The following DTWD1 variants were observed in gnomAD, a reference collection of about 807,000 sequenced individuals.
The protein encoded by DTWD1 is tRNA-uridine aminocarboxypropyltransferase 1.
Under a neutral mutation model 30.2 loss-of-function variants are expected in DTWD1, and 27 were observed. The observed-to-expected ratio is 0.90, with a 90% CI of 0.66 to 1.23. The LOEUF is 1.23. Ranked by LOEUF, DTWD1 falls within the 50% of genes most tolerant of loss-of-function variation. The pLI is 0.00. For missense variants in DTWD1, 342 were observed against 348.8 expected, an observed-to-expected ratio of 0.98 and a Z score of 0.15; for synonymous variants, 99 against 113.1, an observed-to-expected ratio of 0.88 and a Z score of 0.79.
Position 49,632,249 on chromosome 15 carries a change from G to A in DTWD1, c.355G>A (p.Val119Ile). ...TGCAAAACTCTTAGCACCTGAATTT[G>A]TAAACATTTACACGTATCCGTGTAT... Reference protein sequence around the residue: ...IHAKLLAPEFVNIYTYPCIPE... With the variant: ...IHAKLLAPEFINIYTYPCIPE... The change falls in exon 3 of 5, where the codon GTA becomes ATA. Residue 119 changes from valine (V) to isoleucine (I), a missense_variant. Transcript: ENST00000403028. 1.9e-6 allele frequency: 3 copies of A among 1,598,820 alleles called. No individual in the cohort carries two copies. Among genetic ancestry groups the A allele is most frequent in the Non-Finnish European group, 2.6e-6 (3 of 1,176,442 alleles).
chr15:49,652,358 A>G lies in DTWD1; in HGVS notation c.*8780A>G, dbSNP rs2079157498. 1 of 152,164 alleles carries G rather than the reference A, an allele frequency of 6.6e-6. No individual in the cohort carries two copies. The highest frequency in any genetic ancestry group is 2.4e-5 in the African/African-American group (1 of 41,450). 9.4% of individuals were successfully genotyped at this position (152,164 alleles called of 1,614,324 possible). A position where few individuals can be genotyped will look rare whatever the true frequency, so the allele number is the denominator to read the frequency against. On this transcript the variant is annotated 3_prime_UTR_variant, in exon 5 of 5. Transcript: ENST00000403028. ...TGACCCTAATCAAGAGGAGATTGGA[A>G]TCCTGGTTACACAATCTGGGCAGAA... is the stretch of plus-strand genomic sequence containing the variant.
chr15:49,624,876 C>CA (rs1223516562), intron 1 of DTWD1, among the ~76,000 whole-genome samples: 1 of 151,918 alleles, frequency 6.6e-6, no homozygotes, highest in Non-Finnish European at 1.5e-5. Context: ...ATCTCTGGAA[C>CA]AAAAAAGGGT....
intron 1 of DTWD1, 89 bp from the exon 2 acceptor site, chr15:49,625,024 T>C: frequency 1.2e-6 from 1 of 815,796 alleles, no homozygotes; most frequent in Non-Finnish European, 1.9e-6. Flanking sequence ...AGCACACAAT[T>C]GTGACTTAAA....
At chr15:49,636,615 T>C (rs1467153180) in intron 4 of DTWD1, among the ~76,000 whole-genome samples, 1 of 152,166 alleles carries the variant, frequency 6.6e-6, no homozygotes, top group East Asian at 1.9e-4. Context: ...TGTTTCATTG[T>C]GATTAGTTTC....
Position 49,625,427 on chromosome 15 carries a change from T to G in DTWD1, c.260T>G (p.Val87Gly), listed in dbSNP as rs2078829366. Residue 87 changes from valine (V) to glycine (G), a missense_variant, in exon 2 of 5, where the codon GTG (valine) becomes GGG (glycine). Val to Gly is a moderately radical substitution (Grantham distance 109). Transcript: ENST00000403028. ...GTACCTATTGAACAGATTCCACTTG[T>G]GAAGGTTAGTAAGAAATTTAATTGT... ...ENVPIEQIPL[V>G]KLPLKIDIIK... The G allele has an allele frequency of 5.0e-6, 8 of 1,607,090 alleles. No individual in the cohort carries two copies. Among genetic ancestry groups the G allele is most frequent in the Non-Finnish European group, 6.8e-6 (8 of 1,176,290 alleles).
intron 1 of DTWD1, chr15:49,623,807 G>T (rs1292149158): frequency 6.6e-6 from 1 of 152,202 alleles, no homozygotes; most frequent in African/African-American, 2.4e-5. Context: ...AGGTGAGTTG[G>T]AGTGGCAGTC....
intron 4 of DTWD1, among the ~76,000 whole-genome samples, chr15:49,637,562 A>G (rs1041936265): frequency 6.6e-6 from 1 of 152,224 alleles, no homozygotes; most frequent in Non-Finnish European, 1.5e-5. Context: ...GTTCCAATTC[A>G]TATTTAACAT....
Position 49,654,515 on chromosome 15 carries a change from GAT to G in DTWD1, c.*10940_*10941del, listed in dbSNP as rs1175839767. The G allele has an allele frequency of 1.3e-5, 2 of 151,954 alleles. No individual in the cohort carries two copies. The highest frequency in any genetic ancestry group is 4.8e-5 in the African/African-American group (2 of 41,378). 9.4% of individuals were successfully genotyped at this position (151,954 alleles called of 1,614,324 possible). On this transcript the variant is annotated 3_prime_UTR_variant, in exon 5 of 5. Transcript: ENST00000403028. ...TAGAATTCCAGGATATCCTTCTAGA[GAT>G]ATCCATATCTCTAGGGACATGGTGA...
At chr15:49,625,012 A>AG in intron 1 of DTWD1, 101 bp from the exon 2 acceptor site, 1 of 735,564 alleles carries the variant, frequency 1.4e-6, no homozygotes, top group Non-Finnish European at 2.2e-6. Context: ...AAGTACTAAA[A>AG]CAGCACACAA....
chr15:49,642,446 C>T (rs2079076432), intron 4 of DTWD1, among the ~76,000 whole-genome samples: 1 of 152,084 alleles, frequency 6.6e-6, no homozygotes, highest in African/African-American at 2.4e-5. Flanking sequence ...TTATTGAGCT[C>T]TGCAGCATAC....
chr15:49,635,387 A>G (rs1486796852), intron 4 of DTWD1, among the ~76,000 whole-genome samples: 1 of 152,192 alleles, frequency 6.6e-6, no homozygotes, highest in Non-Finnish European at 1.5e-5. Flanking sequence ...ATAAAGAATG[A>G]CATCTCTTTT....
At chr15:49,629,721 C>T (rs2078893442) in intron 2 of DTWD1, 1 of 152,126 alleles carries the variant, frequency 6.6e-6, no homozygotes, top group Non-Finnish European at 1.5e-5. Flanking sequence ...GAACTGCCTA[C>T]TTAAATGGTA....
At position 49,643,766 on chromosome 15, in the gene DTWD1, G is replaced by T; in HGVS notation, c.*188G>T. The T allele has an allele frequency of 1.8e-6, 1 of 552,734 alleles. No individual in the cohort carries two copies. Among genetic ancestry groups the T allele is most frequent in the Non-Finnish European group, 2.8e-6 (1 of 360,310 alleles). 34.2% of individuals were successfully genotyped at this position (552,734 alleles called of 1,614,324 possible). A position where few individuals can be genotyped will look rare whatever the true frequency, so the allele number is the denominator to read the frequency against. On this transcript the variant is annotated 3_prime_UTR_variant, in exon 5 of 5. Transcript: ENST00000403028. ...TCTGGGGGAATTTTTCAGAGATACTGTTGATTGAAAAACTTACTTCAGAAG... is the reference window on the plus strand; with the variant it reads ...TCTGGGGGAATTTTTCAGAGATACTTTTGATTGAAAAACTTACTTCAGAAG...
intron 3 of DTWD1, 23 bp from the exon 4 acceptor site, chr15:49,634,513 T>TA (rs1458295927): frequency 6.3e-7 from 1 of 1,585,466 alleles, no homozygotes. Flanking sequence ...AGCACACTGC[T>TA]AACCCAATTT....
At chr15:49,623,437 T>C (rs982397372) in intron 1 of DTWD1, among the ~76,000 whole-genome samples, 5 of 151,656 alleles carry the variant, frequency 3.3e-5, no homozygotes, top group South Asian at 2.1e-4. Flanking sequence ...TTTTTTTTTT[T>C]CTCTGTTTTA....
At chr15:49,639,052 T>C (rs1290761607) in intron 4 of DTWD1, among the ~76,000 whole-genome samples, 2 of 152,176 alleles carry the variant, frequency 1.3e-5, no homozygotes, top group Non-Finnish European at 2.9e-5. Context: ...GATACAACTT[T>C]TAAAGTGATA....
At chr15:49,642,806 A>C (rs965704318) in intron 4 of DTWD1, among the ~76,000 whole-genome samples, 2 of 152,116 alleles carry the variant, frequency 1.3e-5, no homozygotes, top group Non-Finnish European at 2.9e-5. Flanking sequence ...GTGCACATGT[A>C]GTCCCAGCTA....
At chr15:49,631,132 G>A (rs537531643) in intron 2 of DTWD1, 71 of 208,126 alleles carry the variant, frequency 3.4e-4, no homozygotes, top group Non-Finnish European at 6.5e-4. Flanking sequence ...TAAGTGTAAT[G>A]TGCTTGAATC....
At chr15:49,633,094 T>G (rs547415105) in intron 3 of DTWD1, among the ~76,000 whole-genome samples, 1 of 147,986 alleles carries the variant, frequency 6.8e-6, no homozygotes, top group African/African-American at 2.4e-5. Context: ...TGAGTTTATA[T>G]AAAAAATTAT....
Sources: gnomAD v4.1 joint callset for allele counts (sites outside exome capture counted in the v4.1 genomes callset) on GRCh38, gnomAD v4.1.1 for gene constraint, MANE v1.5 for transcripts, NCBI Gene and HGNC (gene_info 2026-07-23, HGNC 2026-07-21) for gene names.